Variants in CLDN16 observed in about 807,000 individuals in gnomAD.
The protein encoded by CLDN16 is claudin-16.
In CLDN16, 13 loss-of-function variants were observed where a neutral mutation model predicts 24.6. That is an observed-to-expected ratio of 0.53 (90% CI 0.34 to 0.84). CLDN16 has a LOEUF of 0.84. Ranked by LOEUF, CLDN16 falls within the 40% of genes least tolerant of loss-of-function variation. The pLI is 0.01. For synonymous variants in CLDN16, 116 were observed against 106.7 expected, an observed-to-expected ratio of 1.09 and a Z score of -0.54; for missense variants, 298 against 292.7, an observed-to-expected ratio of 1.02 and a Z score of -0.13.
intron 1 of CLDN16, among the ~76,000 whole-genome samples, chr3:190,348,087 CAAAAAAA>C (rs777398020): frequency 3.1e-5 from 3 of 97,450 alleles, no homozygotes; most frequent in Admixed American, 1.1e-4. Flanking sequence ...ACTGAAAATA[CAAAAAAA>C]AAAAAAAAAA....
chr3:190,336,591 G>C (rs1475742031), intron 1 of CLDN16, among the ~76,000 whole-genome samples: 1 of 152,188 alleles, frequency 6.6e-6, no homozygotes, highest in Non-Finnish European at 1.5e-5. Flanking sequence ...AGGCCATATA[G>C]CACAAGCTGT....
the CLDN16 span, among the ~76,000 whole-genome samples, chr3:190,316,700 A>G: frequency 6.6e-6 from 1 of 152,218 alleles, no homozygotes; most frequent in Non-Finnish European, 1.5e-5. Context: ...TAAAGCACCA[A>G]GCACAGTACT....
chr3:190,343,416 T>C (rs80242876), intron 1 of CLDN16, among the ~76,000 whole-genome samples: 5,951 of 152,146 alleles, frequency 0.039, 389 homozygotes, highest in African/African-American at 0.13. Flanking sequence ...ATTAAAAATA[T>C]AGCTACTATA....
chr3:190,341,499 C>T (rs1222001658), intron 1 of CLDN16, among the ~76,000 whole-genome samples: 1 of 152,120 alleles, frequency 6.6e-6, no homozygotes, highest in African/African-American at 2.4e-5. Flanking sequence ...GTACCAAGTC[C>T]CTAGGCTGCA....
chr3:190,388,484 C>T (rs916967607), intron 1 of CLDN16, 41 bp downstream of exon 1: 1 of 1,574,646 alleles, frequency 6.4e-7, no homozygotes, highest in African/African-American at 1.3e-5. Flanking sequence ...CAGGCCAGCC[C>T]AAATTTTCGC....
chr3:190,404,617 T>C lies in CLDN16; in HGVS notation c.218-145T>C. On this transcript the variant is annotated intron_variant, in intron 2 of 4. Coordinates refer to ENST00000264734, the MANE Select transcript of CLDN16 (RefSeq NM_006580.4). ...AGTTTTATGAAAACATTAGGGGTAC[T>C]TATGTTCAAGTTCATACAAAGTCTG... The C allele has an allele frequency of 3.9e-6, 3 of 770,764 alleles. No individual in the cohort carries two copies. The South Asian group carries it at 4.3e-5, about 11-fold the overall frequency. The allele number at this position is 770,764 out of a possible 1,614,324, so 47.7% of individuals were successfully genotyped here. A position where few individuals can be genotyped will look rare whatever the true frequency, so the allele number is the denominator to read the frequency against.
chr3:190,318,749 C>T (rs1281830533), upstream of CLDN16, among the ~76,000 whole-genome samples: 2 of 152,174 alleles, frequency 1.3e-5, no homozygotes, highest in Admixed American at 1.3e-4. Context: ...TCAGCAGGCA[C>T]AACGCATCTG....
chr3:190,400,757 T>C (rs888658470), intron 1 of CLDN16, among the ~76,000 whole-genome samples: 1 of 152,218 alleles, frequency 6.6e-6, no homozygotes, highest in African/African-American at 2.4e-5. Context: ...GTCTTGGCTA[T>C]TGTGAATAGT....
In CLDN16 at chr3:190,410,179, C is replaced by T; in HGVS notation, c.*143C>T. The T allele has an allele frequency of 1.0e-6, 1 of 965,840 alleles. No homozygotes were observed. Among genetic ancestry groups the T allele is most frequent in the Non-Finnish European group, 1.6e-6 (1 of 621,120 alleles). The allele number at this position is 965,840 out of a possible 1,614,324, so 59.8% of individuals were successfully genotyped here. A position where few individuals can be genotyped will look rare whatever the true frequency, so the allele number is the denominator to read the frequency against. ...GCTAGCTTAATCAAAATGTTTGATT[C>T]TCCTATACTTTTTCTTTCTATTACT... On this transcript the variant is annotated 3_prime_UTR_variant, in exon 5 of 5. Transcript: ENST00000264734.
rs1719288317 is a variant in CLDN16, at chr3:190,411,609, T to C, written c.*1573T>C. ...TTTCTAAAGACCTTGAAATAAGTGT[T>C]TCAAATTTAAAGAACAAAGAATGAT... is the stretch of plus-strand genomic sequence containing the variant. On this transcript the variant is annotated 3_prime_UTR_variant, in exon 5 of 5. Coordinates refer to ENST00000264734, the MANE Select transcript of CLDN16 (RefSeq NM_006580.4). The C allele has an allele frequency of 6.6e-6, 1 of 152,170 alleles. No homozygotes were observed. The highest frequency in any genetic ancestry group is 1.5e-5 in the Non-Finnish European group (1 of 68,022). The allele number at this position is 152,170 out of a possible 1,614,324, so 9.4% of individuals were successfully genotyped here.
intron 1 of CLDN16, among the ~76,000 whole-genome samples, chr3:190,337,672 G>A (rs78328602): frequency 6.6e-6 from 1 of 152,124 alleles, no homozygotes; most frequent in Admixed American, 6.5e-5. Flanking sequence ...AAACTGGACT[G>A]CTCTCATCCT....
At chr3:190,339,582 G>A (rs79501090) in intron 1 of CLDN16, among the ~76,000 whole-genome samples, 10,461 of 152,210 alleles carry the variant, frequency 0.069, 557 homozygotes, top group African/African-American at 0.14. Flanking sequence ...GAAGTTTAAT[G>A]ATCATTGGAA....
chr3:190,404,661 T>A (rs1719043811), intron 2 of CLDN16, 101 bp from the exon 3 acceptor site: 1 of 1,109,378 alleles, frequency 9.0e-7, no homozygotes, highest in African/African-American at 1.5e-5. Flanking sequence ...CGGAGGGGTG[T>A]GTTAATGTTA....
intron 1 of CLDN16, among the ~76,000 whole-genome samples, chr3:190,348,829 C>T (rs4687134): frequency 6.6e-6 from 1 of 151,792 alleles, no homozygotes; most frequent in Non-Finnish European, 1.5e-5. Flanking sequence ...CCTCCACCCT[C>T]CAAAAGACCC....
the CLDN16 span, chr3:190,310,399 G>A: frequency 5.4e-4 from 332 of 617,034 alleles, 2 homozygotes; most frequent in East Asian, 9.3e-3. Flanking sequence ...GAGATTAGAA[G>A]TCCAGATATG....
chr3:190,302,098 C>T, the CLDN16 span, among the ~76,000 whole-genome samples: 94 of 152,270 alleles, frequency 6.2e-4, no homozygotes, highest in Middle Eastern at 3.4e-3. Flanking sequence ...ACATGTTGTA[C>T]GTGATTCTAC....
upstream of CLDN16, among the ~76,000 whole-genome samples, chr3:190,385,549 C>G (rs369464269): frequency 6.8e-6 from 1 of 146,274 alleles, no homozygotes; most frequent in East Asian, 2.0e-4. Flanking sequence ...CCATTAGGAG[C>G]GAATGAATGC....
At chr3:190,296,850 C>A in the CLDN16 span, among the ~76,000 whole-genome samples, 1 of 152,140 alleles carries the variant, frequency 6.6e-6, no homozygotes, top group Middle Eastern at 3.4e-3. Flanking sequence ...GCGCCCGGCC[C>A]AGATTTAATT....
the CLDN16 span, chr3:190,308,006 C>T: frequency 7.7e-6 from 3 of 389,856 alleles, no homozygotes; most frequent in African/African-American, 4.1e-5. Context: ...AAGGAGCACC[C>T]CTTCCCCCAG....
Sources: gnomAD v4.1 joint callset for allele counts (sites outside exome capture counted in the v4.1 genomes callset) on GRCh38, gnomAD v4.1.1 for gene constraint, MANE v1.5 for transcripts, NCBI Gene and HGNC (gene_info 2026-07-23, HGNC 2026-07-21) for gene names.